Variants in ZDHHC3 observed in about 807,000 individuals in gnomAD.
ZDHHC3 encodes zDHHC palmitoyltransferase 3.
ZDHHC3 carries 9 observed loss-of-function variants against 30.6 expected under a neutral mutation model. The ratio of observed to expected loss-of-function variants is 0.29; its 90% CI spans 0.18 to 0.51. The LOEUF (loss-of-function observed/expected upper bound fraction) is 0.51, where lower values mean the gene tolerates loss of function less well. Ranked by LOEUF, ZDHHC3 falls within the 20% of genes least tolerant of loss-of-function variation. ZDHHC3 has a pLI of 0.97. For missense variants in ZDHHC3, 246 were observed against 384.2 expected (o/e 0.64, Z 3.01); for synonymous variants, 136 against 140.2 (o/e 0.97, Z 0.21).
chr3:44,929,820 T>C (rs1480519575), intron 5 of ZDHHC3, among the ~76,000 whole-genome samples: 1 of 152,182 alleles, frequency 6.6e-6, no homozygotes, highest in Non-Finnish European at 1.5e-5. Flanking sequence ...ACAATGCAGG[T>C]ACACAGGTGG....
At chr3:44,940,946 T>G (rs1272801204) in intron 3 of ZDHHC3, among the ~76,000 whole-genome samples, 6 of 152,130 alleles carry the variant, frequency 3.9e-5, no homozygotes, top group African/African-American at 1.4e-4. Context: ...CTTACCAAAC[T>G]ATATCATGGT....
At chr3:44,931,748 C>A (rs1300389343) in intron 5 of ZDHHC3, among the ~76,000 whole-genome samples, 1 of 152,188 alleles carries the variant, frequency 6.6e-6, no homozygotes, top group East Asian at 1.9e-4. Context: ...CCAGACAGGG[C>A]TAAAAATCTT....
At chr3:44,958,918 C>T (rs1003695015) in intron 2 of ZDHHC3, among the ~76,000 whole-genome samples, 4 of 152,178 alleles carry the variant, frequency 2.6e-5, no homozygotes, top group African/African-American at 9.7e-5. Flanking sequence ...ATCATTTAAC[C>T]AAGACAGATA....
At chr3:44,933,612 C>T (rs961693690) in intron 4 of ZDHHC3, among the ~76,000 whole-genome samples, 2 of 152,208 alleles carry the variant, frequency 1.3e-5, no homozygotes, top group Admixed American at 1.3e-4. Context: ...ACCCAAACTG[C>T]CTTCTTGAGC....
rs752033079 is a variant in ZDHHC3 at position 44,917,773 on chromosome 3, G to A, written c.*8916C>T. On this transcript the variant is annotated 3_prime_UTR_variant, in exon 7 of 7. Coordinates refer to ENST00000424952, the MANE Select transcript of ZDHHC3 (RefSeq NM_001135179.2). ...GAGGGGAAATGGCAAGGCCAAGCGA[G>A]TGGCTAAGGGAAGCACTGGGGGTGC... 10 of 1,164,174 alleles carry A rather than the reference G, an allele frequency of 8.6e-6. No individual in the cohort carries two copies. Among genetic ancestry groups the A allele is most frequent in the African/African-American group, 1.6e-5 (1 of 62,610 alleles). The allele number at this position is 1,164,174 out of a possible 1,614,324, so 72.1% of individuals were successfully genotyped here. A position where few individuals can be genotyped will look rare whatever the true frequency, so the allele number is the denominator to read the frequency against.
intron 1 of ZDHHC3, among the ~76,000 whole-genome samples, chr3:44,963,552 C>G (rs922068707): frequency 2.0e-5 from 3 of 150,760 alleles, no homozygotes; most frequent in African/African-American, 7.3e-5. Flanking sequence ...CTTTATCCTA[C>G]CCCTAACAAA....
chr3:44,948,457 G>A (rs1175835360), intron 2 of ZDHHC3, among the ~76,000 whole-genome samples: 2 of 152,150 alleles, frequency 1.3e-5, no homozygotes, highest in Non-Finnish European at 2.9e-5. Flanking sequence ...GCAGAGACAA[G>A]TCAACCAACA....
In ZDHHC3 at chr3:44,924,613, T is replaced by A. The variant is rs1435956666; in HGVS notation, c.*2076A>T. 1.0e-6 allele frequency: 1 copy of A among 985,286 alleles called. No homozygotes were observed. The highest frequency in any genetic ancestry group is 1.2e-6 in the Non-Finnish European group (1 of 829,934). 61.0% of individuals were successfully genotyped at this position (985,286 alleles called of 1,614,324 possible). On this transcript the variant is annotated 3_prime_UTR_variant, in exon 7 of 7. Coordinates refer to ENST00000424952, the MANE Select transcript of ZDHHC3 (RefSeq NM_001135179.2). ...CACTATCTACTGCATTCCTGAGAAA[T>A]GCCAGGGGAAAAGAGCTAACCTGGC...
At position 44,926,156 on chromosome 3, in the gene ZDHHC3, G is replaced by A. The variant is rs946733598; in HGVS notation, c.*533C>T. 1.0e-6 allele frequency: 1 copy of A among 985,706 alleles called. No homozygotes were observed. The highest frequency in any genetic ancestry group is 1.7e-5 in the African/African-American group (1 of 57,254). The allele number at this position is 985,706 out of a possible 1,614,324, so 61.1% of individuals were successfully genotyped here. On this transcript the variant is annotated 3_prime_UTR_variant, in exon 7 of 7. Transcript: ENST00000424952. ...AAACCGTGTCCACTTGGGGGATGAG[G>A]TCGCTGTGCCAAGGTCCCTTCTGAT... is the stretch of plus-strand genomic sequence containing the variant.
rs1700831153 is a variant in ZDHHC3, at chr3:44,924,489, G to A, written c.*2200C>T. Reference sequence around the variant, plus strand: ...AGAGGCAGAATCCTATAGGATATCTGAAGGAACCCCACTCTATTGGAAAGA... The same window carrying A: ...AGAGGCAGAATCCTATAGGATATCTAAAGGAACCCCACTCTATTGGAAAGA... On this transcript the variant is annotated 3_prime_UTR_variant, in exon 7 of 7. Transcript: ENST00000424952. The A allele has an allele frequency of 1.0e-6, 1 of 985,282 alleles. No individual in the cohort carries two copies. Among genetic ancestry groups the A allele is most frequent in the Non-Finnish European group, 1.2e-6 (1 of 829,922 alleles). 61.0% of individuals were successfully genotyped at this position (985,282 alleles called of 1,614,324 possible).
chr3:44,920,568 C>T lies in ZDHHC3; in HGVS notation c.*6121G>A. ...AAGTTCCAAGAGGCCATGACGGTGGCCAAGGCTCATCTAGCTTGTTATGTA... is the reference window on the plus strand; with the variant it reads ...AAGTTCCAAGAGGCCATGACGGTGGTCAAGGCTCATCTAGCTTGTTATGTA... On this transcript the variant is annotated 3_prime_UTR_variant, in exon 7 of 7. Transcript: ENST00000424952. 1 of 985,240 alleles carries T rather than the reference C, an allele frequency of 1.0e-6. No homozygotes were observed. Among genetic ancestry groups the T allele is most frequent in the Non-Finnish European group, 1.2e-6 (1 of 829,818 alleles). The allele number at this position is 985,240 out of a possible 1,614,324, so 61.0% of individuals were successfully genotyped here.
At chr3:44,951,568 T>C (rs896924207) in intron 2 of ZDHHC3, among the ~76,000 whole-genome samples, 2 of 152,212 alleles carry the variant, frequency 1.3e-5, no homozygotes, top group African/African-American at 4.8e-5. Flanking sequence ...GGGTACCCAC[T>C]GTCTTGGAAG....
intron 1 of ZDHHC3, among the ~76,000 whole-genome samples, chr3:44,972,661 CCTT>C (rs1307098085): frequency 1.3e-5 from 2 of 152,200 alleles, no homozygotes; most frequent in African/African-American, 2.4e-5. Flanking sequence ...ACAATTAGCA[CCTT>C]ATTATAGGCT....
Position 44,920,329 on chromosome 3 carries a change from A to G in ZDHHC3, c.*6360T>C. 2 of 1,289,780 alleles carry G rather than the reference A, an allele frequency of 1.6e-6. No homozygotes were observed. Among genetic ancestry groups the G allele is most frequent in the Non-Finnish European group, 2.0e-6 (2 of 988,828 alleles). The allele number at this position is 1,289,780 out of a possible 1,614,324, so 79.9% of individuals were successfully genotyped here. A position where few individuals can be genotyped will look rare whatever the true frequency, so the allele number is the denominator to read the frequency against. ...TTCTGCATTCTCTTCCTGGGTGATC[A>G]TCTGCAGCCTGTTGAGAAAGAGGCT... is the stretch of plus-strand genomic sequence containing the variant. On this transcript the variant is annotated 3_prime_UTR_variant, in exon 7 of 7. Transcript: ENST00000424952.
At position 44,925,287 on chromosome 3, in the gene ZDHHC3, C is replaced by T. The variant is rs1700889162; in HGVS notation, c.*1402G>A. ...AATCACATGGCTAGATTAACTTTCG[C>T]CCTACCCAGGACAGGATTGAATAAA... On this transcript the variant is annotated 3_prime_UTR_variant, in exon 7 of 7. Coordinates refer to ENST00000424952, the MANE Select transcript of ZDHHC3 (RefSeq NM_001135179.2). 2.0e-6 allele frequency: 2 copies of T among 985,774 alleles called. No homozygotes were observed. Among genetic ancestry groups the T allele is most frequent in the South Asian group, 4.7e-5 (1 of 21,296 alleles). 61.1% of individuals were successfully genotyped at this position (985,774 alleles called of 1,614,324 possible).
intron 4 of ZDHHC3, among the ~76,000 whole-genome samples, 155 bp downstream of exon 4, chr3:44,933,733 T>C (rs1197652198): frequency 6.6e-6 from 1 of 152,154 alleles, no homozygotes. Flanking sequence ...GTACAGGCAC[T>C]TGTTGAGCCA....
At chr3:44,941,085 T>G (rs182264727) in intron 3 of ZDHHC3, among the ~76,000 whole-genome samples, 2 of 152,110 alleles carry the variant, frequency 1.3e-5, no homozygotes, top group Non-Finnish European at 2.9e-5. Flanking sequence ...GTCAGCTGAA[T>G]GAAGTCTCTG....
In ZDHHC3 at chr3:44,925,909, T is replaced by C. The variant is rs932563123; in HGVS notation, c.*780A>G. 12 of 985,760 alleles carry C rather than the reference T, an allele frequency of 1.2e-5. No homozygotes were observed. In the African/African-American group the frequency reaches 1.7e-4, roughly 14 times the overall value. 61.1% of individuals were successfully genotyped at this position (985,760 alleles called of 1,614,324 possible). On this transcript the variant is annotated 3_prime_UTR_variant, in exon 7 of 7. Transcript: ENST00000424952. Reference sequence around the variant, plus strand: ...GAAACAAAGGAAAACGTAGCTTGCCTGAAATTGTGTAATTTTTTTTCCTCT... The same window carrying C: ...GAAACAAAGGAAAACGTAGCTTGCCCGAAATTGTGTAATTTTTTTTCCTCT...
chr3:44,972,516 C>A (rs1355114598), intron 1 of ZDHHC3, among the ~76,000 whole-genome samples: 4 of 152,184 alleles, frequency 2.6e-5, no homozygotes, highest in Non-Finnish European at 2.9e-5. Flanking sequence ...CCCTGAAGCT[C>A]TTTTGTAACT....
Sources: allele counts gnomAD v4.1 joint callset (sites outside exome capture counted in the v4.1 genomes callset), GRCh38; gene constraint gnomAD v4.1.1; transcripts MANE v1.5; gene names NCBI Gene and HGNC (gene_info 2026-07-23, HGNC 2026-07-21).